The following ZC3H6 variants were observed in gnomAD, a reference collection of about 807,000 sequenced individuals.
The protein encoded by ZC3H6 is zinc finger CCCH domain-containing protein 6.
In ZC3H6, 40 loss-of-function variants were observed where a neutral mutation model predicts 107.7. That is an observed-to-expected ratio of 0.37 (90% confidence interval 0.29 to 0.48). The LOEUF is 0.48. ZC3H6 is among the 20% of genes least tolerant of loss of function. ZC3H6 has a pLI of 0.98. For missense variants in ZC3H6, 1,267 were observed against 1,410.4 expected, an observed-to-expected ratio of 0.90 and a Z score of 1.63; for synonymous variants, 493 against 487.9, an observed-to-expected ratio of 1.01 and a Z score of -0.14.
intron 1 of ZC3H6, among the ~76,000 whole-genome samples, chr2:112,280,832 T>G (rs10169797): frequency 4.6e-4 from 70 of 152,180 alleles, no homozygotes; most frequent in African/African-American, 1.7e-3. Context: ...GGGAAACGGA[T>G]TAAATTTGGG....
chr2:112,324,253 C>A lies in ZC3H6; in HGVS notation c.1442C>A (p.Pro481His), dbSNP rs749026635. 6.2e-7 allele frequency: 1 copy of A among 1,613,862 alleles called. No homozygotes were observed. Among genetic ancestry groups the A allele is most frequent in the Non-Finnish European group, 8.5e-7 (1 of 1,179,728 alleles). Residue 481 changes from proline to histidine, a missense_variant, in exon 10 of 12, where the codon CCT (proline) becomes CAT (histidine). Transcript: ENST00000409871. Reference protein sequence around the residue: ...HIYSSGSSPGPGPNMSQGHSS... With the variant: ...HIYSSGSSPGHGPNMSQGHSS... ...TATAGTTCTGGGTCAAGTCCAGGTC[C>A]TGGACCTAACATGTCTCAGGGACAC...
At chr2:112,283,779 C>T (rs1443429105) in intron 1 of ZC3H6, among the ~76,000 whole-genome samples, 1 of 152,188 alleles carries the variant, frequency 6.6e-6, no homozygotes, top group Non-Finnish European at 1.5e-5. Context: ...AGGATCGTTA[C>T]TCTGGTATCA....
chr2:112,324,102 G>A, intron 9 of ZC3H6, 50 bp from the exon 10 acceptor site: 1 of 1,506,504 alleles, frequency 6.6e-7, no homozygotes. Context: ...TAACATTCTT[G>A]TTTGTTTCTT....
chr2:112,303,868 A>G (rs944687855), intron 3 of ZC3H6, among the ~76,000 whole-genome samples: 3 of 152,208 alleles, frequency 2.0e-5, no homozygotes, highest in Non-Finnish European at 4.4e-5. Context: ...GAACATGGGT[A>G]TTCAAAAATC....
intron 3 of ZC3H6, among the ~76,000 whole-genome samples, chr2:112,306,530 A>G (rs1018543558): frequency 1.3e-5 from 2 of 152,142 alleles, no homozygotes; most frequent in African/African-American, 4.8e-5. Context: ...ATGTGATCCT[A>G]TCTCTTCATA....
rs1287433114 is a variant in ZC3H6, at chr2:112,333,672, C to T, written c.*1184C>T. The T allele has an allele frequency of 2.0e-5, 3 of 152,018 alleles. No homozygotes were observed. The highest frequency in any genetic ancestry group is 7.2e-5 in the African/African-American group (3 of 41,420). 9.4% of individuals were successfully genotyped at this position (152,018 alleles called of 1,614,324 possible). ...AATAATGGCAACTCTTTGTTTTATA[C>T]ATATATAATTTATAACTGAATCTAA... On this transcript the variant is annotated 3_prime_UTR_variant, in exon 12 of 12. Transcript: ENST00000409871.
chr2:112,299,706 T>C, intron 1 of ZC3H6, 143 bp from the exon 2 acceptor site: 1 of 483,520 alleles, frequency 2.1e-6, no homozygotes, highest in Non-Finnish European at 3.4e-6. Context: ...ATTTACTATC[T>C]GGGCCTTTAT....
chr2:112,336,573 C>T lies in ZC3H6; in HGVS notation c.*4085C>T, dbSNP rs990553261. The stretch of plus-strand genomic sequence containing the variant: ...TTCAAAGCTATTTTCTTAGGTGTTA[C>T]ACCTTAGCATTTACATAATGCCTTC... On this transcript the variant is annotated 3_prime_UTR_variant, in exon 12 of 12. Transcript: ENST00000409871. 6.6e-6 allele frequency: 1 copy of T among 152,150 alleles called. No individual in the cohort carries two copies. The highest frequency in any genetic ancestry group is 2.4e-5 in the African/African-American group (1 of 41,438). 9.4% of individuals were successfully genotyped at this position (152,150 alleles called of 1,614,324 possible).
chr2:112,310,099 C>T lies in ZC3H6; in HGVS notation c.551C>T (p.Ala184Val). The T allele has an allele frequency of 6.2e-7, 1 of 1,613,328 alleles. No homozygotes were observed. The highest frequency in any genetic ancestry group is 8.5e-7 in the Non-Finnish European group (1 of 1,179,644). The part of the protein sequence containing the change: ...YRQAKETSNI[A>V]LGSSFSKESG... ...CAAGCTAAAGAAACCTCAAATATTG[C>T]TTTAGGGTCATCATTTTCTAAAGAA... Residue 184 changes from alanine to valine, a missense_variant, in exon 4 of 12, where the codon GCT (alanine) becomes GTT (valine). Physicochemically the swap from Ala to Val is moderately conservative, Grantham distance 64. Transcript: ENST00000409871.
intron 3 of ZC3H6, among the ~76,000 whole-genome samples, chr2:112,307,949 C>A (rs911590259): frequency 1.3e-5 from 2 of 152,086 alleles, no homozygotes; most frequent in Non-Finnish European, 2.9e-5. Flanking sequence ...AAAATTGATA[C>A]TCATCTATTA....
chr2:112,338,855 G>GTGTGTA lies in ZC3H6; in HGVS notation c.*6368_*6369insGTGTAT, dbSNP rs1558961152. The GTGTGTA allele has an allele frequency of 2.6e-5, 1 of 38,474 alleles. No individual in the cohort carries two copies. The highest frequency in any genetic ancestry group is 4.4e-5 in the Non-Finnish European group (1 of 22,860). 2.4% of individuals were successfully genotyped at this position (38,474 alleles called of 1,614,324 possible). ...TATATATATATGTATGTATATGTGT[G>GTGTGTA]TATATATATATATATATATATATAT... On this transcript the variant is annotated 3_prime_UTR_variant, in exon 12 of 12. Coordinates refer to ENST00000409871, the MANE Select transcript of ZC3H6 (RefSeq NM_198581.3).
At chr2:112,276,545 G>C (rs531871843) in intron 1 of ZC3H6, among the ~76,000 whole-genome samples, 1 of 152,250 alleles carries the variant, frequency 6.6e-6, no homozygotes, top group African/African-American at 2.4e-5. Flanking sequence ...CTTGGAATTT[G>C]AGATGGCAAG....
chr2:112,300,669 C>T (rs896013351), intron 2 of ZC3H6, among the ~76,000 whole-genome samples: 5 of 152,014 alleles, frequency 3.3e-5, no homozygotes, highest in East Asian at 1.9e-4. Flanking sequence ...GGTATATGAT[C>T]GAGTGCTTAC....
chr2:112,276,567 A>G (rs989095956), intron 1 of ZC3H6, among the ~76,000 whole-genome samples: 1 of 152,194 alleles, frequency 6.6e-6, no homozygotes, highest in Admixed American at 6.5e-5. Flanking sequence ...TTCAAGTTTA[A>G]TATGTTAACA....
intron 1 of ZC3H6, among the ~76,000 whole-genome samples, chr2:112,290,743 T>C (rs999085021): frequency 6.6e-5 from 10 of 152,252 alleles, no homozygotes; most frequent in Non-Finnish European, 1.3e-4. Flanking sequence ...ATTTCATCTC[T>C]GGATTAAGTC....
chr2:112,280,134 CA>C (rs1213190077), intron 1 of ZC3H6, among the ~76,000 whole-genome samples: 1 of 152,000 alleles, frequency 6.6e-6, no homozygotes, highest in Admixed American at 6.5e-5. Flanking sequence ...CCACTTAAAT[CA>C]ATTTTAATTA....
chr2:112,303,432 G>T (rs1255644970), intron 3 of ZC3H6, 81 bp downstream of exon 3: 8 of 989,448 alleles, frequency 8.1e-6, no homozygotes, highest in Non-Finnish European at 3.0e-6. Context: ...GTACAATTCA[G>T]TGATATTAAG....
In ZC3H6 at chr2:112,331,624, G is replaced by T. The variant is rs778683091; in HGVS notation, c.2706G>T (p.Leu902=). 274 of 1,613,830 alleles carry T rather than the reference G, an allele frequency of 1.7e-4. 6 individuals are homozygous for T. In the South Asian group the frequency reaches 2.9e-3, roughly 17 times the overall value. ...CAGTGTCTTCAATCAATTTACCTCT[G>T]CCCCCACTTATAGCTGACCAGAGGC... ...PDPVSSINLP[L]PPLIADQRLN... is the part of the protein sequence containing the mutation. The change falls in exon 12 of 12, where the codon CTG becomes CTT. Residue 902 remains leucine, a synonymous_variant. Transcript: ENST00000409871.
In ZC3H6 at chr2:112,336,598, CT is replaced by C; in HGVS notation, c.*4111del. 1 of 152,266 alleles carries C rather than the reference CT, an allele frequency of 6.6e-6. No homozygotes were observed. The highest frequency in any genetic ancestry group is 2.1e-4 in the South Asian group (1 of 4,828). 9.4% of individuals were successfully genotyped at this position (152,266 alleles called of 1,614,324 possible). On this transcript the variant is annotated 3_prime_UTR_variant, in exon 12 of 12. Transcript: ENST00000409871. Reference sequence around the variant, plus strand: ...CACCTTAGCATTTACATAATGCCTTCTCCCCAAGCAGTTTCATGTGGTTTGC... The same window carrying C: ...CACCTTAGCATTTACATAATGCCTTCCCCCAAGCAGTTTCATGTGGTTTGC...
Sources: allele counts gnomAD v4.1 joint callset (sites outside exome capture counted in the v4.1 genomes callset), GRCh38; gene constraint gnomAD v4.1.1; transcripts MANE v1.5; gene names NCBI Gene and HGNC (gene_info 2026-07-23, HGNC 2026-07-21).